RNASE11: variants seen among roughly 807,000 people sequenced by gnomAD.
RNASE11 encodes putative inactive ribonuclease 11.
For missense variants in RNASE11, 252 were observed against 237.8 expected, an observed-to-expected ratio of 1.06 and a Z score of -0.39; for synonymous variants, 105 against 86.1, an observed-to-expected ratio of 1.22 and a Z score of -1.21.
downstream of RNASE11, chr14:20,583,527 A>G (rs1011082758): frequency 1.3e-5 from 3 of 230,912 alleles, no homozygotes; most frequent in African/African-American, 4.5e-5. Context: ...TTAGCTTTTC[A>G]TTGTCCATAT....
intron 1 of RNASE11, among the ~76,000 whole-genome samples, chr14:20,586,474 G>A (rs766185826): frequency 1.3e-5 from 2 of 152,160 alleles, no homozygotes; most frequent in Non-Finnish European, 2.9e-5. Context: ...AAATGTCTGT[G>A]TGAGAAACTA....
downstream of RNASE11, chr14:20,583,498 A>G (rs768969182): frequency 1.2e-4 from 23 of 198,296 alleles, no homozygotes; most frequent in Non-Finnish European, 2.2e-4. Flanking sequence ...TTTTCTGAAT[A>G]GTATCATTGG....
chr14:20,590,243 G>T, upstream of RNASE11: 10 of 1,602,976 alleles, frequency 6.2e-6, no homozygotes, highest in Non-Finnish European at 8.5e-6. Flanking sequence ...CAATGCCATT[G>T]AGAGAAGAGA....
At chr14:20,584,541 G>A in intron 1 of RNASE11, 45 bp from the exon 3 acceptor site, 1 of 1,467,782 alleles carries the variant, frequency 6.8e-7, no homozygotes, top group Non-Finnish European at 9.0e-7. Flanking sequence ...GAAGATTAAA[G>A]AGGTAGTTCT....
At chr14:20,585,606 TATAA>T (rs1884418510) in intron 1 of RNASE11, among the ~76,000 whole-genome samples, 1 of 152,192 alleles carries the variant, frequency 6.6e-6, no homozygotes, top group Non-Finnish European at 1.5e-5. Context: ...CTCCAGTTAG[TATAA>T]ATAATCAAGA....
upstream of RNASE11, among the ~76,000 whole-genome samples, chr14:20,589,337 T>C (rs989192817): frequency 6.0e-5 from 9 of 150,246 alleles, no homozygotes; most frequent in Admixed American, 4.0e-4. Flanking sequence ...TCACTGCAAC[T>C]CCGCCTCCTG....
At chr14:20,586,753 G>C (rs1190202611) in intron 1 of RNASE11, among the ~76,000 whole-genome samples, 2 of 152,240 alleles carry the variant, frequency 1.3e-5, no homozygotes, top group African/African-American at 4.8e-5. Flanking sequence ...ACAGGAAGAA[G>C]AGCAGGGCAG....
upstream of RNASE11, chr14:20,587,940 G>A: frequency 1.3e-6 from 1 of 762,660 alleles, no homozygotes; most frequent in Non-Finnish European, 1.6e-6. Context: ...GATCAGGACA[G>A]AGAGTGCTCT....
At chr14:20,590,245 G>A (rs1884539381), upstream of RNASE11, 1 of 1,603,944 alleles carries the variant, frequency 6.2e-7, no homozygotes, top group African/African-American at 1.3e-5. Context: ...ATGCCATTGA[G>A]AGAAGAGATC....
At chr14:20,584,346 G>A (rs943754202) in exon 2 of RNASE11, 5 of 1,613,902 alleles carry the variant, frequency 3.1e-6, no homozygotes, top group Non-Finnish European at 3.4e-6. Flanking sequence ...GTTTTTCTTG[G>A]CCACTTTTTG....
chr14:20,590,124 C>A, upstream of RNASE11: 1 of 1,355,172 alleles, frequency 7.4e-7, no homozygotes, highest in Non-Finnish European at 9.8e-7. Flanking sequence ...ATAAAACAAT[C>A]CCAACCCAGC....
chr14:20,584,512 T>C lies in RNASE11; in HGVS notation c.-22-16A>G. 4 of 1,520,668 alleles carry C rather than the reference T, an allele frequency of 2.6e-6. No individual in the cohort carries two copies. Among genetic ancestry groups the C allele is most frequent in the Non-Finnish European group, 3.5e-6 (4 of 1,138,300 alleles). 94.2% of individuals were successfully genotyped at this position (1,520,668 alleles called of 1,614,324 possible). A position where few individuals can be genotyped will look rare whatever the true frequency, so the allele number is the denominator to read the frequency against. On this transcript the variant is annotated splice_polypyrimidine_tract_variant and intron_variant, in intron 1 of 1. Coordinates refer to ENST00000553849, the Ensembl canonical transcript of RNASE11. ...GTAATCTCTTCTGCAGTAAAGACAATAAATGAAAGATAAAATAAGAAGATT... is the reference window on the plus strand; with the variant it reads ...GTAATCTCTTCTGCAGTAAAGACAACAAATGAAAGATAAAATAAGAAGATT...
intron 1 of RNASE11, 56 bp from the exon 3 acceptor site, chr14:20,584,552 T>TTAA: frequency 7.1e-7 from 1 of 1,400,464 alleles, no homozygotes; most frequent in Non-Finnish European, 9.5e-7. Context: ...AGGTAGTTCT[T>TTAA]TCTTCCTCCT....
At chr14:20,590,194 A>C, upstream of RNASE11, 1 of 1,539,396 alleles carries the variant, frequency 6.5e-7, no homozygotes, top group South Asian at 1.3e-5. Flanking sequence ...GCATTGCCCC[A>C]TGTCCACGGT....
At chr14:20,583,638 C>G in exon 2 of RNASE11, 1 of 236,234 alleles carries the variant, frequency 4.2e-6, no homozygotes, top group Non-Finnish European at 8.4e-6. Context: ...TTTACACCCT[C>G]CCCACCCTCC....
Position 20,584,497 on chromosome 14 carries a change from C to T in RNASE11, c.-22-1G>A. The T allele has an allele frequency of 1.3e-6, 2 of 1,543,608 alleles. No individual in the cohort carries two copies. Among genetic ancestry groups the T allele is most frequent in the Non-Finnish European group, 1.7e-6 (2 of 1,151,350 alleles). ...CATCTCAGATGTAGTGTAATCTCTTCTGCAGTAAAGACAATAAATGAAAGA... is the reference window on the plus strand; with the variant it reads ...CATCTCAGATGTAGTGTAATCTCTTTTGCAGTAAAGACAATAAATGAAAGA... On this transcript the variant is annotated splice_acceptor_variant, in intron 1 of 1. Transcript: ENST00000553849. LOFTEE classifies it low-confidence loss of function (5UTR_SPLICE).
upstream of RNASE11, among the ~76,000 whole-genome samples, chr14:20,589,165 C>T (rs113102505): frequency 5.3e-5 from 8 of 151,756 alleles, no homozygotes; most frequent in Admixed American, 1.3e-4. Context: ...CCCTGCACTA[C>T]GTTTCTCACA....
chr14:20,583,000 G>A (rs1331945981), downstream of RNASE11: 2 of 152,192 alleles, frequency 1.3e-5, no homozygotes, highest in African/African-American at 2.4e-5. Flanking sequence ...GCCACACATC[G>A]ATGAAGAAGA....
chr14:20,585,308 T>C (rs1884412669), intron 1 of RNASE11, among the ~76,000 whole-genome samples: 1 of 152,212 alleles, frequency 6.6e-6, no homozygotes, highest in Non-Finnish European at 1.5e-5. Context: ...TCTGTCTATT[T>C]ATACCAAAAC....
Sources: gnomAD v4.1 joint callset for allele counts (sites outside exome capture counted in the v4.1 genomes callset) on GRCh38, gnomAD v4.1.1 for gene constraint, MANE v1.5 for transcripts, NCBI Gene and HGNC (gene_info 2026-07-23, HGNC 2026-07-21) for gene names.